The following TCERG1L variants were observed in gnomAD, a reference collection of about 807,000 sequenced individuals.
The protein encoded by TCERG1L is transcription elongation regulator 1-like protein.
Under a neutral mutation model 56.3 loss-of-function variants are expected in TCERG1L, and 37 were observed. The ratio of observed to expected loss-of-function variants is 0.66; its 90% CI spans 0.51 to 0.87. TCERG1L has a LOEUF of 0.87. Among genes scored for constraint, TCERG1L ranks in the 40% least tolerant of loss-of-function variants. The pLI, the probability that TCERG1L is intolerant of heterozygous loss-of-function variation, is 0.00. For synonymous variants in TCERG1L, 324 were observed against 326.3 expected (o/e 0.99, Z 0.08); for missense variants, 799 against 774.2 (o/e 1.03, Z -0.38).
In TCERG1L at chr10:131,260,373, TGGCAGC is replaced by T. The variant is rs764464021; in HGVS notation, c.736_741del (p.Ala246_Ala247del). On this transcript the variant is annotated inframe_deletion, in exon 4 of 12. Transcript: ENST00000368642. The surrounding 1 kb of genome is among the most constrained non-coding windows in gnomAD (Gnocchi z 5.8). ...AGGTTCTCAGGGTCCACGGAGACCA[TGGCAGC>T]GGCGGCGGCGGTGGCGATGGCAATG... 8 of 1,498,462 alleles carry T rather than the reference TGGCAGC, an allele frequency of 5.3e-6. No homozygotes were observed. In the South Asian group the frequency reaches 5.6e-5, roughly 11 times the overall value. 92.8% of individuals were successfully genotyped at this position (1,498,462 alleles called of 1,614,324 possible).
intron 6 of TCERG1L, among the ~76,000 whole-genome samples, chr10:131,150,042 C>G (rs1248017117): frequency 6.6e-6 from 1 of 152,224 alleles, no homozygotes; most frequent in African/African-American, 2.4e-5. Context: ...TGCAACTGGT[C>G]TGAGTGGCAA....
At chr10:131,110,410 C>T (rs560178238) in intron 9 of TCERG1L, among the ~76,000 whole-genome samples, 4 of 152,292 alleles carry the variant, frequency 2.6e-5, no homozygotes, top group South Asian at 2.1e-4. Context: ...GGTCTCACCC[C>T]GGCTCCCTCC....
Position 131,260,307 on chromosome 10 carries a change from G to A in TCERG1L, c.808C>T (p.Leu270=), listed in dbSNP as rs1250388585. 6.9e-7 allele frequency: 1 copy of A among 1,445,616 alleles called. No homozygotes were observed. The highest frequency in any genetic ancestry group is 1.5e-5 in the African/African-American group (1 of 67,216). 89.5% of individuals were successfully genotyped at this position (1,445,616 alleles called of 1,614,324 possible). ...SPSSVQPRHF[L]TLAPIKIPLR... ...GGTATTTTGATGGGTGCCAAGGTCAGGAAGTGGCGCGGCTGCACGCTGGAG... is the reference window on the plus strand; with the variant it reads ...GGTATTTTGATGGGTGCCAAGGTCAAGAAGTGGCGCGGCTGCACGCTGGAG... Residue 270 remains leucine (L), a synonymous_variant, in exon 4 of 12, where the codon CTG becomes TTG. Transcript: ENST00000368642. The surrounding 1 kb of genome is among the most constrained non-coding windows in gnomAD (Gnocchi z 5.8).
intron 3 of TCERG1L, among the ~76,000 whole-genome samples, chr10:131,297,229 C>A (rs1846705358): frequency 6.6e-6 from 1 of 152,136 alleles, no homozygotes; most frequent in Non-Finnish European, 1.5e-5. Context: ...CGGAAGTCCC[C>A]TTTAATTCTT....
At chr10:131,125,213 T>TGATGATGGTGATGAC (rs1845553460) in intron 8 of TCERG1L, among the ~76,000 whole-genome samples, 1 of 152,092 alleles carries the variant, frequency 6.6e-6, no homozygotes, top group Non-Finnish European at 1.5e-5. Flanking sequence ...ATGAACATGA[T>TGATGATGGTGATGAC]GATGATGGTG....
intron 3 of TCERG1L, among the ~76,000 whole-genome samples, chr10:131,285,576 GAAAGAAAAA>G (rs1379899151): frequency 0.013 from 1,958 of 148,138 alleles, 30 homozygotes; most frequent in Middle Eastern, 0.021. Context: ...AAGAAAGAAA[GAAAGAAAAA>G]AAATGAGATG....
At chr10:131,096,895 A>G (rs948264295) in intron 11 of TCERG1L, among the ~76,000 whole-genome samples, 3 of 151,828 alleles carry the variant, frequency 2.0e-5, no homozygotes, top group African/African-American at 7.3e-5. Context: ...AAAAAAAAAA[A>G]AAAGAAAGAA....
At chr10:131,265,659 T>A (rs892757619) in intron 3 of TCERG1L, among the ~76,000 whole-genome samples, 6 of 152,250 alleles carry the variant, frequency 3.9e-5, no homozygotes, top group Non-Finnish European at 1.5e-5. Flanking sequence ...AAAAGTTATG[T>A]TTACACTATA....
In TCERG1L at chr10:131,176,085, T is replaced by G. The variant is rs1174112953; in HGVS notation, c.857-9200A>C. 2.0e-5 allele frequency among the ~76,000 whole-genome samples: 3 copies of G among 151,984 alleles called. No individual in the cohort carries two copies. In the East Asian group the frequency reaches 5.8e-4, roughly 29 times the overall value. On this transcript the variant is annotated intron_variant, in intron 4 of 11. Coordinates refer to ENST00000368642, the MANE Select transcript of TCERG1L (RefSeq NM_174937.4). Reference sequence around the variant, plus strand: ...CTGTCGCTTCGTCGAGCCCTCCGGGTGCTAGAGCAAGCACCCAGCAGTGGG... The same window carrying G: ...CTGTCGCTTCGTCGAGCCCTCCGGGGGCTAGAGCAAGCACCCAGCAGTGGG...
At chr10:131,199,455 A>C (rs1479267726) in intron 4 of TCERG1L, among the ~76,000 whole-genome samples, 1 of 152,190 alleles carries the variant, frequency 6.6e-6, no homozygotes, top group African/African-American at 2.4e-5. Context: ...CTCTGCCTTC[A>C]CCAAGTCCCA....
chr10:131,231,383 C>A (rs1845850125), intron 4 of TCERG1L, among the ~76,000 whole-genome samples: 1 of 152,234 alleles, frequency 6.6e-6, no homozygotes, highest in African/African-American at 2.4e-5. Context: ...ACAGCCCCAC[C>A]CTTACCGGCC....
In TCERG1L at chr10:131,126,007, G is replaced by T. The variant is rs892898646; in HGVS notation, c.1259+8372C>A. Among the ~76,000 whole-genome samples the T allele has an allele frequency of 3.9e-5, 6 of 152,204 alleles. No homozygotes were observed. In the South Asian group the frequency reaches 1.0e-3, roughly 26 times the overall value. ...GAGGAGCGATCATGAGTTCCCAGCT[G>T]GGGTCTGGGCTGCCTGGAATCTCCA... On this transcript the variant is annotated intron_variant, in intron 8 of 11. Transcript: ENST00000368642.
At chr10:131,286,200 A>G (rs1041793583) in intron 3 of TCERG1L, among the ~76,000 whole-genome samples, 8 of 152,184 alleles carry the variant, frequency 5.3e-5, no homozygotes, top group African/African-American at 1.9e-4. Flanking sequence ...AGAGGCCTTT[A>G]AAACGTCTGG....
intron 5 of TCERG1L, among the ~76,000 whole-genome samples, chr10:131,166,209 G>A (rs1313387024): frequency 6.6e-6 from 1 of 152,246 alleles, no homozygotes; most frequent in Non-Finnish European, 1.5e-5. Context: ...GAAAGGTGAA[G>A]TAAGAGATAA....
intron 3 of TCERG1L, among the ~76,000 whole-genome samples, chr10:131,268,934 TTA>T (rs1283709272): frequency 6.6e-6 from 1 of 152,218 alleles, no homozygotes; most frequent in African/African-American, 2.4e-5. Flanking sequence ...CTGTTTCACT[TTA>T]TCTTTTTATT....
intron 4 of TCERG1L, among the ~76,000 whole-genome samples, chr10:131,259,164 A>C (rs1259975086): frequency 6.6e-6 from 1 of 152,230 alleles, no homozygotes; most frequent in Non-Finnish European, 1.5e-5. Context: ...AGACCACATT[A>C]GATTTACTAG....
chr10:131,299,710 CATACTT>C (rs1482137460), intron 3 of TCERG1L, among the ~76,000 whole-genome samples: 3 of 152,046 alleles, frequency 2.0e-5, no homozygotes, highest in Non-Finnish European at 4.4e-5. Flanking sequence ...AATTTAAAGA[CATACTT>C]ATATCTTCAA....
chr10:131,282,632 A>C (rs951335287), intron 3 of TCERG1L, among the ~76,000 whole-genome samples: 4 of 150,888 alleles, frequency 2.7e-5, no homozygotes, highest in Admixed American at 6.6e-5. Context: ...TGCTTTGTTC[A>C]CACCTCTATC....
intron 4 of TCERG1L, among the ~76,000 whole-genome samples, chr10:131,179,291 C>A (rs1238079868): frequency 6.6e-6 from 1 of 152,242 alleles, no homozygotes; most frequent in Non-Finnish European, 1.5e-5. Flanking sequence ...AGGCCACGCC[C>A]AAGTCAGGAC....
Sources: allele counts gnomAD v4.1 joint callset (sites outside exome capture counted in the v4.1 genomes callset), GRCh38; gene constraint gnomAD v4.1.1; non-coding constraint Gnocchi (gnomAD v3.1); transcripts MANE v1.5; gene names NCBI Gene and HGNC (gene_info 2026-07-23, HGNC 2026-07-21).